Variants in WWC2 observed in about 807,000 individuals in gnomAD.
The protein encoded by WWC2 is protein WWC2.
In WWC2, 101 loss-of-function variants were observed where a neutral mutation model predicts 138.5. The observed-to-expected ratio is 0.73, with a 90% confidence interval of 0.62 to 0.86. WWC2 has a LOEUF of 0.86. Among genes scored for constraint, WWC2 ranks in the 40% least tolerant of loss-of-function variants. WWC2 has a pLI of 0.00. For missense variants in WWC2, 1,420 were observed against 1,419.4 expected, an observed-to-expected ratio of 1.00 and a Z score of -0.01; for synonymous variants, 558 against 538.4, an observed-to-expected ratio of 1.04 and a Z score of -0.50.
intron 15 of WWC2, chr4:183,270,151 G>A (rs769889939): frequency 4.4e-4 from 67 of 152,128 alleles, no homozygotes; most frequent in African/African-American, 1.6e-3. Context: ...TAACAGACTC[G>A]TTAGGCTATC....
intron 21 of WWC2, among the ~76,000 whole-genome samples, chr4:183,289,849 G>A (rs1288900422): frequency 6.6e-6 from 1 of 151,604 alleles, no homozygotes; most frequent in African/African-American, 2.4e-5. Context: ...GAAGGTGGGT[G>A]TGGCAGCAGG....
intron 1 of WWC2, among the ~76,000 whole-genome samples, chr4:183,171,549 G>T (rs1734279703): frequency 6.6e-6 from 1 of 152,136 alleles, no homozygotes; most frequent in Admixed American, 6.6e-5. Context: ...AATAAACATG[G>T]TAGGGAAACT....
intron 17 of WWC2, 151 bp from the exon 18 acceptor site, chr4:183,282,557 G>A (rs980640939): frequency 2.3e-5 from 17 of 736,318 alleles, no homozygotes; most frequent in Admixed American, 1.1e-4. Context: ...TTTTTTAAAT[G>A]AGACATTTAG....
intron 21 of WWC2, among the ~76,000 whole-genome samples, chr4:183,306,789 AGTGCT>A (rs1739035227): frequency 6.7e-6 from 1 of 150,198 alleles, no homozygotes; most frequent in Non-Finnish European, 1.5e-5. Flanking sequence ...GGCCTCCCAA[AGTGCT>A]GGGATTACAG....
intron 1 of WWC2, among the ~76,000 whole-genome samples, chr4:183,154,590 C>T (rs1561439212): frequency 6.6e-6 from 1 of 152,160 alleles, no homozygotes; most frequent in Non-Finnish European, 1.5e-5. Context: ...TGCATAGAGA[C>T]TCTACCACTG....
chr4:183,248,933 C>G, intron 7 of WWC2, 73 bp downstream of exon 7: 1 of 1,368,630 alleles, frequency 7.3e-7, no homozygotes, highest in Non-Finnish European at 9.8e-7. Flanking sequence ...GGATGGTGAA[C>G]TGGAACCAGA....
chr4:183,236,763 G>T (rs1048051823), intron 4 of WWC2, among the ~76,000 whole-genome samples: 1 of 152,130 alleles, frequency 6.6e-6, no homozygotes, highest in African/African-American at 2.4e-5. Flanking sequence ...TTTTGGTTCT[G>T]TATAAATCTT....
intron 19 of WWC2, among the ~76,000 whole-genome samples, chr4:183,284,660 T>C (rs1165479044): frequency 1.3e-5 from 2 of 152,244 alleles, no homozygotes; most frequent in Non-Finnish European, 2.9e-5. Context: ...TGAGTATTTG[T>C]ACGTTATTTG....
chr4:183,201,064 G>A (rs1158008499), intron 2 of WWC2, among the ~76,000 whole-genome samples: 1 of 152,154 alleles, frequency 6.6e-6, no homozygotes, highest in Non-Finnish European at 1.5e-5. Flanking sequence ...ATAGATATAG[G>A]TATTAAATAT....
chr4:183,223,229 A>G (rs960103232), intron 4 of WWC2, among the ~76,000 whole-genome samples: 12 of 152,230 alleles, frequency 7.9e-5, no homozygotes, highest in African/African-American at 2.4e-4. Flanking sequence ...GTAGCAGGCT[A>G]TGCTATCTGG....
chr4:183,295,223 G>T (rs546093088), intron 21 of WWC2, among the ~76,000 whole-genome samples: 1 of 152,204 alleles, frequency 6.6e-6, no homozygotes, highest in Non-Finnish European at 1.5e-5. Flanking sequence ...GGGAAGCAGC[G>T]AGGCTACTTT....
At chr4:183,300,749 GCTT>G (rs1465902966) in intron 21 of WWC2, among the ~76,000 whole-genome samples, 3 of 141,974 alleles carry the variant, frequency 2.1e-5, no homozygotes, top group African/African-American at 7.7e-5. Context: ...TCCCTGGTCA[GCTT>G]TTTTTTTTTA....
chr4:183,297,274 A>T (rs776199610), intron 21 of WWC2, among the ~76,000 whole-genome samples: 1 of 151,476 alleles, frequency 6.6e-6, no homozygotes, highest in Admixed American at 6.6e-5. Context: ...CACCCAGCCT[A>T]GAGGATTTGT....
chr4:183,238,703 CTG>C (rs926987635), intron 4 of WWC2, among the ~76,000 whole-genome samples: 7 of 152,218 alleles, frequency 4.6e-5, no homozygotes, highest in African/African-American at 1.7e-4. Context: ...AATTGAAACA[CTG>C]TTTCCTCAGA....
intron 1 of WWC2, among the ~76,000 whole-genome samples, chr4:183,183,039 T>A (rs1305448343): frequency 6.6e-6 from 1 of 152,192 alleles, no homozygotes; most frequent in African/African-American, 2.4e-5. Context: ...GAAGGCAGGG[T>A]CCCTGCCTAG....
At chr4:183,217,254 T>C (rs543973455) in intron 4 of WWC2, among the ~76,000 whole-genome samples, 1 of 152,098 alleles carries the variant, frequency 6.6e-6, no homozygotes, top group South Asian at 2.1e-4. Context: ...ATGAGAGTAG[T>C]GTGGAGGGGC....
At chr4:183,127,439 T>G (rs1732794936) in intron 1 of WWC2, among the ~76,000 whole-genome samples, 1 of 152,052 alleles carries the variant, frequency 6.6e-6, no homozygotes, top group Admixed American at 6.6e-5. Flanking sequence ...AAACAAAAAG[T>G]CAAATATATA....
At chr4:183,231,854 A>T (rs1178667641) in intron 4 of WWC2, among the ~76,000 whole-genome samples, 4 of 152,190 alleles carry the variant, frequency 2.6e-5, no homozygotes, top group Admixed American at 2.6e-4. Flanking sequence ...GTTCAGAAGA[A>T]GTCTCATTGA....
At chr4:183,300,137 T>C (rs1738780950) in intron 21 of WWC2, among the ~76,000 whole-genome samples, 1 of 152,146 alleles carries the variant, frequency 6.6e-6, no homozygotes. Flanking sequence ...TATGAATAAA[T>C]CACTGGGCCT....
Sources: allele counts gnomAD v4.1 joint callset (sites outside exome capture counted in the v4.1 genomes callset), GRCh38; gene constraint gnomAD v4.1.1; transcripts MANE v1.5; gene names NCBI Gene and HGNC (gene_info 2026-07-23, HGNC 2026-07-21).